The following KALRN variants were observed in gnomAD, a reference collection of about 807,000 sequenced individuals.
The protein encoded by KALRN is kalirin RhoGEF kinase.
A neutral mutation model predicts 353.7 loss-of-function variants in KALRN; 70 were observed. The ratio of observed to expected loss-of-function variants is 0.20; its 90% CI spans 0.16 to 0.24. The LOEUF (loss-of-function observed/expected upper bound fraction) is 0.24, where lower values mean the gene tolerates loss of function less well. Among genes scored for constraint, KALRN ranks in the 10% least tolerant of loss-of-function variants. KALRN has a pLI of 1.00. For synonymous variants in KALRN, 1,391 were observed against 1,434.8 expected, an observed-to-expected ratio of 0.97 and a Z score of 0.69; for missense variants, 2,791 against 3,756.7, an observed-to-expected ratio of 0.74 and a Z score of 6.72.
chr3:124,138,189 G>T (rs979165605), intron 1 of KALRN, among the ~76,000 whole-genome samples: 1 of 152,098 alleles, frequency 6.6e-6, no homozygotes, highest in African/African-American at 2.4e-5. Context: ...GCCACCTCTG[G>T]GCTCAGTGGG....
chr3:124,461,942 C>T lies in KALRN; in HGVS notation c.3907C>T (p.His1303Tyr), dbSNP rs2059904023. 1 of 1,612,126 alleles carries T rather than the reference C, an allele frequency of 6.2e-7. No homozygotes were observed. The highest frequency in any genetic ancestry group is 8.5e-7 in the Non-Finnish European group (1 of 1,178,292). ...AGAGAAGGCTTATGTAAGGGATTTG[C>T]ATGAGTGCTTAGAGGTGAGTCTTCC... The part of the protein sequence containing the change: ...QTEKAYVRDL[H>Y]ECLETYLWEM... The change falls in exon 24 of 60, where the codon CAT becomes TAT. Residue 1303 changes from histidine to tyrosine, a missense_variant. Physicochemically the swap from His to Tyr is moderately conservative, Grantham distance 83. Around this residue, in one of 11 missense-constraint regions of KALRN, gnomAD observed 268 missense variants for 347.0 expected, o/e 0.77. Coordinates refer to ENST00000682506, the MANE Select transcript of KALRN (RefSeq NM_001388419.1).
chr3:124,321,463 G>A (rs10934664), intron 6 of KALRN, among the ~76,000 whole-genome samples: 49,116 of 152,124 alleles, frequency 0.32, 8,066 homozygotes, highest in Admixed American at 0.37. Flanking sequence ...TTTTGTAGCC[G>A]GTAGGCGTAA....
chr3:124,496,822 G>T (rs1007606692), intron 33 of KALRN, among the ~76,000 whole-genome samples: 3 of 152,168 alleles, frequency 2.0e-5, no homozygotes, highest in African/African-American at 7.2e-5. Flanking sequence ...CAAATTTACA[G>T]TGATTTGAGA....
intron 34 of KALRN, among the ~76,000 whole-genome samples, chr3:124,573,452 C>G (rs2073766113): frequency 6.6e-6 from 1 of 150,862 alleles, no homozygotes; most frequent in Admixed American, 6.6e-5. Context: ...TGAATCATCC[C>G]CAGGATTGTT....
chr3:124,474,040 G>C (rs1422993236), intron 25 of KALRN, among the ~76,000 whole-genome samples: 2 of 152,070 alleles, frequency 1.3e-5, no homozygotes, highest in Non-Finnish European at 2.9e-5. Context: ...TTATTAACGT[G>C]GAAAGGAGCC....
chr3:124,477,115 T>TTGCCATAGAAAATC, intron 26 of KALRN, 130 bp from the exon 27 acceptor site: 1 of 577,870 alleles, frequency 1.7e-6, no homozygotes, highest in African/African-American at 1.9e-5. Context: ...CATAGAACAT[T>TTGCCATAGAAAATC]TGCCATAGAA....
chr3:124,494,573 G>A (rs2063513591), intron 32 of KALRN, among the ~76,000 whole-genome samples: 2 of 152,222 alleles, frequency 1.3e-5, no homozygotes, highest in African/African-American at 4.8e-5. Context: ...TCCTTCCTAT[G>A]AATGTGTGGC....
At chr3:124,252,017 T>C (rs13321072) in intron 3 of KALRN, among the ~76,000 whole-genome samples, 10,858 of 152,290 alleles carry the variant, frequency 0.071, 426 homozygotes, top group Middle Eastern at 0.095. Flanking sequence ...CTTCCTCATT[T>C]GGTCTGCAGT....
At chr3:124,097,842 T>G (rs559631926) in intron 1 of KALRN, among the ~76,000 whole-genome samples, 6 of 152,368 alleles carry the variant, frequency 3.9e-5, no homozygotes, top group African/African-American at 1.4e-4. Context: ...GATGATTTAT[T>G]CTCCTTAATA....
At chr3:124,374,796 T>C (rs2086351692) in intron 10 of KALRN, among the ~76,000 whole-genome samples, 3 of 152,156 alleles carry the variant, frequency 2.0e-5, no homozygotes, top group African/African-American at 7.2e-5. Context: ...CACTGCAAAG[T>C]TACATCTTTT....
intron 34 of KALRN, among the ~76,000 whole-genome samples, chr3:124,616,037 T>C (rs1465387370): frequency 1.3e-5 from 2 of 152,202 alleles, no homozygotes; most frequent in East Asian, 3.8e-4. Flanking sequence ...CTTTCTTTCC[T>C]GTTCCACCCA....
In KALRN at chr3:124,469,265, A is replaced by AT. The variant is rs376855466; in HGVS notation, c.4032-5397dup. On this transcript the variant is annotated intron_variant, in intron 25 of 59. Transcript: ENST00000682506. ...GGAGGCTGAGAGTGTGATGTGCTGA[A>AT]TGGGCGTCCAGCCCTGCAGACCTTT... Among the ~76,000 whole-genome samples the AT allele has an allele frequency of 4.0e-3, 616 of 152,320 alleles. 10 individuals are homozygous for AT. The highest frequency in any genetic ancestry group is 0.014 in the African/African-American group (586 of 41,568).
intron 10 of KALRN, among the ~76,000 whole-genome samples, chr3:124,368,211 C>T (rs1244932095): frequency 2.2e-5 from 3 of 137,488 alleles, no homozygotes; most frequent in Non-Finnish European, 4.7e-5. Context: ...CACCTCCCTC[C>T]CGGACAGCAC....
At chr3:124,200,967 A>G (rs945435100) in intron 1 of KALRN, among the ~76,000 whole-genome samples, 2 of 152,244 alleles carry the variant, frequency 1.3e-5, no homozygotes, top group Non-Finnish European at 2.9e-5. Context: ...TTCCCTTGGC[A>G]CTAAGGAAGA....
At chr3:124,506,086 C>T (rs1301791471) in intron 33 of KALRN, among the ~76,000 whole-genome samples, 3 of 152,266 alleles carry the variant, frequency 2.0e-5, no homozygotes, top group African/African-American at 4.8e-5. Flanking sequence ...GAAACAAGTT[C>T]GAAGATCCTC....
At chr3:124,377,619 A>G (rs1274371520) in intron 10 of KALRN, among the ~76,000 whole-genome samples, 2 of 152,138 alleles carry the variant, frequency 1.3e-5, no homozygotes, top group Non-Finnish European at 2.9e-5. Context: ...TACTTGTTCT[A>G]TTAATTACTG....
At chr3:124,475,077 T>A (rs538356157) in intron 26 of KALRN, among the ~76,000 whole-genome samples, 6 of 152,176 alleles carry the variant, frequency 3.9e-5, no homozygotes, top group Non-Finnish European at 8.8e-5. Flanking sequence ...AAAAAAAATT[T>A]TTTATCTTTA....
At chr3:124,656,976 A>G (rs1181801527) in intron 39 of KALRN, among the ~76,000 whole-genome samples, 1 of 152,172 alleles carries the variant, frequency 6.6e-6, no homozygotes, top group Non-Finnish European at 1.5e-5. Flanking sequence ...TCATCATCCA[A>G]CACCCAGGTG....
chr3:124,485,615 C>T (rs1457411153), intron 28 of KALRN, among the ~76,000 whole-genome samples: 1 of 152,204 alleles, frequency 6.6e-6, no homozygotes, highest in East Asian at 1.9e-4. Flanking sequence ...CACAGTGGCT[C>T]ACACCTATAA....
Sources: gnomAD v4.1 joint callset for allele counts (sites outside exome capture counted in the v4.1 genomes callset) on GRCh38, gnomAD v4.1.1 for gene constraint, gnomAD v4.1.1 regional missense constraint, MANE v1.5 for transcripts, NCBI Gene and HGNC (gene_info 2026-07-23, HGNC 2026-07-21) for gene names.